AK3: variants seen among roughly 807,000 people sequenced by gnomAD.
AK3 encodes GTP:AMP phosphotransferase AK3, mitochondrial.
Under a neutral mutation model 23.7 loss-of-function variants are expected in AK3, and 27 were observed. The ratio of observed to expected loss-of-function variants is 1.14; its 90% CI spans 0.84 to 1.57. The LOEUF (loss-of-function observed/expected upper bound fraction) is 1.57, where lower values mean the gene tolerates loss of function less well. Among genes scored for constraint, AK3 ranks in the 40% most tolerant of loss-of-function variants. The pLI is 0.00. For missense variants in AK3, 406 were observed against 285.6 expected (o/e 1.42, Z -3.04); for synonymous variants, 159 against 116.0 (o/e 1.37, Z -2.38).
rs748833954 is a variant in AK3 at position 4,711,617 on chromosome 9, C to T, written c.*1359G>A. Reference sequence around the variant, plus strand: ...TTAAAGGCAATAACGACTTGTAAGACGGCTTGTTTCATTTGATTTGGCACG... The same window carrying T: ...TTAAAGGCAATAACGACTTGTAAGATGGCTTGTTTCATTTGATTTGGCACG... On this transcript the variant is annotated 3_prime_UTR_variant, in exon 5 of 5. Transcript: ENST00000381809. The T allele has an allele frequency of 6.6e-6, 1 of 152,192 alleles. No homozygotes were observed. The highest frequency in any genetic ancestry group is 1.5e-5 in the Non-Finnish European group (1 of 68,020). The allele number at this position is 152,192 out of a possible 1,614,324, so 9.4% of individuals were successfully genotyped here.
At chr9:4,721,907 C>A (rs1462225114) in intron 2 of AK3, among the ~76,000 whole-genome samples, 1 of 151,688 alleles carries the variant, frequency 6.6e-6, no homozygotes, top group Non-Finnish European at 1.5e-5. Context: ...CAAGTCAGGG[C>A]TGCAGGGCTT....
Position 4,712,518 on chromosome 9 carries a change from A to G in AK3, c.*458T>C, listed in dbSNP as rs1841588353. The G allele has an allele frequency of 6.6e-6, 1 of 152,418 alleles. No individual in the cohort carries two copies. The highest frequency in any genetic ancestry group is 1.9e-4 in the East Asian group (1 of 5,202). 9.4% of individuals were successfully genotyped at this position (152,418 alleles called of 1,614,324 possible). On this transcript the variant is annotated 3_prime_UTR_variant, in exon 5 of 5. Coordinates refer to ENST00000381809, the MANE Select transcript of AK3 (RefSeq NM_016282.4). ...AGTTGCTTTCTTTCTGGAATTTTAT[A>G]TAGTGTCTCACCATGTTCCACAATG...
intron 1 of AK3, among the ~76,000 whole-genome samples, chr9:4,729,512 T>C (rs918748988): frequency 6.6e-6 from 1 of 151,812 alleles, no homozygotes; most frequent in African/African-American, 2.4e-5. Context: ...GAGATAGCAA[T>C]TCCTCCCCTC....
intron 4 of AK3, among the ~76,000 whole-genome samples, chr9:4,714,005 T>G (rs1841638293): frequency 6.9e-6 from 1 of 145,152 alleles, no homozygotes; most frequent in Non-Finnish European, 1.5e-5. Context: ...CGCCTACACA[T>G]ATACACCTAC....
At chr9:4,725,110 C>T (rs1841993606) in intron 1 of AK3, among the ~76,000 whole-genome samples, 1 of 151,468 alleles carries the variant, frequency 6.6e-6, no homozygotes, top group East Asian at 2.0e-4. Flanking sequence ...GCAACCTCCC[C>T]CCTCCCAGGT....
chr9:4,727,642 G>T (rs1842049456), intron 1 of AK3, among the ~76,000 whole-genome samples: 1 of 152,104 alleles, frequency 6.6e-6, no homozygotes, highest in African/African-American at 2.4e-5. Context: ...TCAACAACAA[G>T]GTTGTTTTGC....
chr9:4,732,034 C>T (rs1169150346), intron 1 of AK3, among the ~76,000 whole-genome samples: 1 of 152,176 alleles, frequency 6.6e-6, no homozygotes, highest in Non-Finnish European at 1.5e-5. Context: ...ACTGCAGCCT[C>T]GACGTGCTGG....
At position 4,719,301 on chromosome 9, in the gene AK3, G is replaced by A; in HGVS notation, c.278C>T (p.Pro93Leu). 1.5e-6 allele frequency: 2 copies of A among 1,335,990 alleles called. No homozygotes were observed. Among genetic ancestry groups the A allele is most frequent in the Non-Finnish European group, 2.0e-6 (2 of 1,014,990 alleles). 82.8% of individuals were successfully genotyped at this position (1,335,990 alleles called of 1,614,324 possible). Residue 93 changes from proline (P) to leucine (L), a missense_variant, in exon 3 of 5, where the codon CCA (proline) becomes CTA (leucine). Physicochemically the swap from Pro to Leu is moderately conservative, Grantham distance 98. Coordinates refer to ENST00000381809, the MANE Select transcript of AK3 (RefSeq NM_016282.4). ...GGCTTCTGCCTGTGGAAGTGTCCTT[G>A]GAAAACCTTTATAAAGTAAAAAAGA... is the stretch of plus-strand genomic sequence containing the variant. Reference protein sequence around the residue: ...TQYSWLLDGFPRTLPQAEALD... With the variant: ...TQYSWLLDGFLRTLPQAEALD...
At chr9:4,731,562 T>C (rs985909139) in intron 1 of AK3, among the ~76,000 whole-genome samples, 6 of 121,284 alleles carry the variant, frequency 4.9e-5, no homozygotes, top group East Asian at 5.4e-4. Context: ...AATGCTTCAA[T>C]TGAAGCTTAC....
chr9:4,740,363 C>T (rs905178499), intron 1 of AK3, among the ~76,000 whole-genome samples: 1 of 152,124 alleles, frequency 6.6e-6, no homozygotes, highest in South Asian at 2.1e-4. Context: ...CAAGAATAGC[C>T]TTCGTGTCTA....
intron 1 of AK3, among the ~76,000 whole-genome samples, chr9:4,726,270 C>G (rs1348723424): frequency 6.6e-6 from 1 of 152,066 alleles, no homozygotes; most frequent in East Asian, 1.9e-4. Context: ...TAAAGTCTGT[C>G]TCATCAACTG....
intron 1 of AK3, among the ~76,000 whole-genome samples, chr9:4,725,270 G>A (rs956095473): frequency 2.0e-5 from 3 of 151,564 alleles, no homozygotes; most frequent in South Asian, 4.2e-4. Context: ...GCCCGCCTCG[G>A]CCTCCCAAAG....
intron 1 of AK3, among the ~76,000 whole-genome samples, chr9:4,727,741 G>A (rs570982702): frequency 8.5e-5 from 13 of 152,200 alleles, no homozygotes; most frequent in African/African-American, 2.7e-4. Flanking sequence ...ACTGGTGCAA[G>A]AAGCCTGGTT....
rs71326127 is a variant in AK3, at chr9:4,729,015, A to ATATATATATATATATATTTTT, written c.152-6391_152-6390insAAAAATATATATATATATATA. On this transcript the variant is annotated intron_variant, in intron 1 of 4. Transcript: ENST00000381809. ...CACACACACATATATATATATATAT[A>ATATATATATATATATATTTTT]TTTTTTTTTTTTGAGACGGAATTTT... is the stretch of plus-strand genomic sequence containing the variant. 5.6e-4 allele frequency among the ~76,000 whole-genome samples: 73 copies of ATATATATATATATATATTTTT among 129,412 alleles called. 1 individual carries two copies. The highest frequency in any genetic ancestry group is 9.5e-4 in the Non-Finnish European group (60 of 63,432). The allele number at this position is 129,412 out of a possible 152,430, so 84.9% of individuals were successfully genotyped here. A position where few individuals can be genotyped will look rare whatever the true frequency, so the allele number is the denominator to read the frequency against.
rs1471152892 is a variant in AK3 at position 4,718,408 on chromosome 9, C to T, written c.563+11G>A. The stretch of plus-strand genomic sequence containing the variant: ...ACTACGCAAGAGAAGTTCTGAAAAG[C>T]AAAAACTCACTGGTAATATTCCAGG... On this transcript the variant is annotated intron_variant, in intron 4 of 4. Transcript: ENST00000381809. 6.2e-7 allele frequency: 1 copy of T among 1,605,488 alleles called. No individual in the cohort carries two copies. The highest frequency in any genetic ancestry group is 1.7e-5 in the Admixed American group (1 of 59,894).
intron 1 of AK3, among the ~76,000 whole-genome samples, chr9:4,731,825 G>T (rs759860808): frequency 3.9e-5 from 6 of 152,066 alleles, no homozygotes; most frequent in Non-Finnish European, 7.4e-5. Flanking sequence ...CTCTGCCTCT[G>T]CCACTCTTAG....
In AK3 at chr9:4,723,890, T is replaced by C. The variant is rs545082122; in HGVS notation, c.152-1265A>G. 2.6e-5 allele frequency among the ~76,000 whole-genome samples: 4 copies of C among 152,334 alleles called. No homozygotes were observed. The South Asian group carries it at 8.3e-4, about 32-fold the overall frequency. ...TTTCCAATAAATAAATTCCCAGATG[T>C]CAGATTAAAGGGTCAAGGTATATAT... On this transcript the variant is annotated intron_variant, in intron 1 of 4. Coordinates refer to ENST00000381809, the MANE Select transcript of AK3 (RefSeq NM_016282.4).
In AK3 at chr9:4,737,488, A is replaced by G. The variant is rs371818830; in HGVS notation, c.151+3449T>C. 3.9e-5 allele frequency among the ~76,000 whole-genome samples: 6 copies of G among 152,226 alleles called. No homozygotes were observed. In the East Asian group the frequency reaches 1.2e-3, roughly 29 times the overall value. On this transcript the variant is annotated intron_variant, in intron 1 of 4. Transcript: ENST00000381809. ...AGAGAGGTCTGACTCTGAGAGGCCAAGGCGGTTGGATCACCTGAGGTCAGG... is the reference window on the plus strand; with the variant it reads ...AGAGAGGTCTGACTCTGAGAGGCCAGGGCGGTTGGATCACCTGAGGTCAGG...
At chr9:4,736,350 C>G (rs958137603) in intron 1 of AK3, among the ~76,000 whole-genome samples, 3 of 150,526 alleles carry the variant, frequency 2.0e-5, no homozygotes, top group Non-Finnish European at 2.9e-5. Flanking sequence ...AACACATACA[C>G]AAAGAGAAGC....
Sources: gnomAD v4.1 joint callset for allele counts (sites outside exome capture counted in the v4.1 genomes callset) on GRCh38, gnomAD v4.1.1 for gene constraint, MANE v1.5 for transcripts, NCBI Gene and HGNC (gene_info 2026-07-23, HGNC 2026-07-21) for gene names.